PARG: variants seen among roughly 807,000 people sequenced by gnomAD.
PARG encodes mitochondrial poly(ADP-ribose) glycohydrolase.
A neutral mutation model predicts 113.0 loss-of-function variants in PARG; 35 were observed. The ratio of observed to expected loss-of-function variants is 0.31; its 90% CI spans 0.24 to 0.41. PARG has a LOEUF of 0.41. Ranked by LOEUF, PARG falls within the 10% of genes least tolerant of loss-of-function variation. The probability of loss-of-function intolerance (pLI) is 1.00; values close to 1 mark genes in which losing one functional copy is unlikely to be tolerated. For missense variants in PARG, 797 were observed against 1,169.4 expected (o/e 0.68, Z 4.64); for synonymous variants, 330 against 409.9 (o/e 0.81, Z 2.36).
intron 7 of PARG, among the ~76,000 whole-genome samples, chr10:49,886,367 G>A (rs1344260459): frequency 1.3e-5 from 2 of 152,188 alleles, no homozygotes; most frequent in Admixed American, 1.3e-4. Flanking sequence ...TGTGTAAATA[G>A]AAAAAGTAAC....
chr10:49,941,822 T>C lies in PARG; in HGVS notation c.-97A>G, dbSNP rs1419204932. On this transcript the variant is annotated 5_prime_UTR_variant, in exon 1 of 18. Coordinates refer to ENST00000616448, the MANE Select transcript of PARG (RefSeq NM_003631.5). The stretch of plus-strand genomic sequence containing the variant: ...TGGACTGCGCCTCCTTCTCAGCGCC[T>C]GCCTGCACCATTCCCTCTCTGCCGC... The C allele has an allele frequency of 7.1e-5, 109 of 1,532,458 alleles. No individual in the cohort carries two copies. The highest frequency in any genetic ancestry group is 1.8e-4 in the Admixed American group (9 of 50,988). The allele number at this position is 1,532,458 out of a possible 1,614,324, so 94.9% of individuals were successfully genotyped here.
intron 13 of PARG, among the ~76,000 whole-genome samples, chr10:49,853,193 C>T (rs577992816): frequency 5.7e-4 from 86 of 151,674 alleles, no homozygotes; most frequent in African/African-American, 1.9e-3. Flanking sequence ...GCCACCAGGC[C>T]CAGCTAATTT....
chr10:49,901,541 T>C (rs1429469285), intron 7 of PARG, among the ~76,000 whole-genome samples: 2 of 152,170 alleles, frequency 1.3e-5, no homozygotes, highest in Non-Finnish European at 2.9e-5. Context: ...TTTAATTAAA[T>C]TATCCAGTAT....
At position 49,819,363 on chromosome 10, in the gene PARG, A is replaced by G; in HGVS notation, c.2908T>C (p.Ser970Pro). 2 of 1,551,550 alleles carry G rather than the reference A, an allele frequency of 1.3e-6. No homozygotes were observed. The highest frequency in any genetic ancestry group is 1.7e-6 in the Non-Finnish European group (2 of 1,146,906). Reference sequence around the variant, plus strand: ...CCTCAGGTCCCTGTCCTTTGCCCTGAATGGTCAGCGGTCTCTGCACAGGAC... The same window carrying G: ...CCTCAGGTCCCTGTCCTTTGCCCTGGATGGTCAGCGGTCTCTGCACAGGAC... ...VESCAETADH[S>P]GQRTGT Residue 970 changes from serine to proline, a missense_variant, in exon 18 of 18, where the codon TCA becomes CCA. Ser to Pro is a moderately conservative substitution (Grantham distance 74). Around this residue, in one of 5 missense-constraint regions of PARG, gnomAD observed 194 missense variants for 247.1 expected, o/e 0.79. Transcript: ENST00000616448.
intron 7 of PARG, among the ~76,000 whole-genome samples, chr10:49,890,418 C>A (rs2813056): frequency 3.3e-5 from 5 of 152,292 alleles, no homozygotes; most frequent in South Asian, 2.1e-4. Flanking sequence ...GATTATAGAT[C>A]TGTTCATTCA....
intron 13 of PARG, among the ~76,000 whole-genome samples, chr10:49,845,101 C>T (rs1420909289): frequency 4.6e-5 from 7 of 152,042 alleles, no homozygotes; most frequent in East Asian, 1.9e-4. Flanking sequence ...AGAATAAAAA[C>T]GAATGACAAC....
At chr10:49,910,665 A>G (rs1310663338) in intron 7 of PARG, among the ~76,000 whole-genome samples, 3 of 152,182 alleles carry the variant, frequency 2.0e-5, no homozygotes, top group African/African-American at 7.2e-5. Context: ...AATAGTCACT[A>G]AAATCCTTAG....
At chr10:49,912,861 G>A (rs189315956) in intron 7 of PARG, among the ~76,000 whole-genome samples, 1 of 152,036 alleles carries the variant, frequency 6.6e-6, no homozygotes, top group Non-Finnish European at 1.5e-5. Flanking sequence ...CCAGCTAAAC[G>A]GGAGGCTAAA....
At chr10:49,895,911 C>T (rs182980209) in intron 7 of PARG, among the ~76,000 whole-genome samples, 692 of 152,044 alleles carry the variant, frequency 4.6e-3, no homozygotes, top group East Asian at 0.018. Flanking sequence ...TCATTTATGG[C>T]AAGTATATAA....
chr10:49,820,382 A>G, intron 16 of PARG, 89 bp from the exon 17 acceptor site: 1 of 854,838 alleles, frequency 1.2e-6, no homozygotes, highest in Non-Finnish European at 1.8e-6. Flanking sequence ...CCACAGCTTC[A>G]TCCTAGATTA....
intron 13 of PARG, among the ~76,000 whole-genome samples, chr10:49,843,971 C>T (rs1296432624): frequency 6.6e-6 from 1 of 151,298 alleles, no homozygotes; most frequent in Non-Finnish European, 1.5e-5. Context: ...ATGGTGAAAC[C>T]CCACCTCTGC....
At chr10:49,920,463 A>AAAAAAAAAAAAAAAATAT (rs1431747248) in intron 6 of PARG, among the ~76,000 whole-genome samples, 1 of 47,988 alleles carries the variant, frequency 2.1e-5, no homozygotes, top group African/African-American at 5.0e-5. Flanking sequence ...AAAAAAAAAA[A>AAAAAAAAAAAAAAAATAT]ATATATATAT....
Position 49,841,993 on chromosome 10 carries a change from A to C in PARG, c.2498T>G (p.Leu833Arg). The C allele has an allele frequency of 6.5e-7, 1 of 1,550,144 alleles. No individual in the cohort carries two copies. The highest frequency in any genetic ancestry group is 1.4e-5 in the African/African-American group (1 of 73,164). The change falls in exon 15 of 18, where the codon CTC becomes CGC. Residue 833 changes from leucine (L) to arginine (R), a missense_variant. By Grantham distance (102) the Leu-to-Arg change is moderately radical. This residue lies in a region of PARG where 194 missense variants were observed against 247.1 expected (regional missense o/e 0.79). Transcript: ENST00000616448. ...AIDALHFRRY[L>R]DQFVPEKMRR... ...CATTTTCTCAGGCACAAACTGATCG[A>C]GGTAGCGTCTGAAGTGAAGAGCATC...
chr10:49,866,263 C>T (rs1452457631), intron 10 of PARG, among the ~76,000 whole-genome samples: 2 of 151,900 alleles, frequency 1.3e-5, no homozygotes, highest in African/African-American at 4.8e-5. Flanking sequence ...CAAAAAAGCT[C>T]TTAAGGAAAG....
chr10:49,893,348 T>C (rs1847906282), intron 7 of PARG, among the ~76,000 whole-genome samples: 1 of 152,252 alleles, frequency 6.6e-6, no homozygotes, highest in African/African-American at 2.4e-5. Context: ...ATGTGCTTAT[T>C]GGCAATTTGT....
At chr10:49,831,214 A>G (rs958309156) in intron 16 of PARG, among the ~76,000 whole-genome samples, 4 of 141,646 alleles carry the variant, frequency 2.8e-5, no homozygotes, top group Admixed American at 2.7e-4. Context: ...ACTTCATGGT[A>G]TTTTTCTAGA....
At chr10:49,928,839 C>T (rs1204090803) in intron 4 of PARG, among the ~76,000 whole-genome samples, 209 of 151,376 alleles carry the variant, frequency 1.4e-3, no homozygotes, top group East Asian at 5.5e-3. Context: ...TAACTATTAA[C>T]ATCTGGAATC....
chr10:49,912,248 C>T (rs1348524247), intron 7 of PARG, among the ~76,000 whole-genome samples: 3 of 152,024 alleles, frequency 2.0e-5, no homozygotes, highest in Admixed American at 6.6e-5. Context: ...TACAATGAGC[C>T]GAGATCATGC....
chr10:49,829,680 A>G (rs1844560356), intron 16 of PARG, among the ~76,000 whole-genome samples: 1 of 152,202 alleles, frequency 6.6e-6, no homozygotes, highest in Admixed American at 6.5e-5. Flanking sequence ...AAAGACTATC[A>G]CCCACTAGAG....
Sources: allele counts gnomAD v4.1 joint callset (sites outside exome capture counted in the v4.1 genomes callset), GRCh38; gene constraint gnomAD v4.1.1; regional missense constraint gnomAD v4.1.1; transcripts MANE v1.5; gene names NCBI Gene and HGNC (gene_info 2026-07-23, HGNC 2026-07-21).